RANBP2: variants seen among roughly 807,000 people sequenced by gnomAD.
RANBP2 encodes RAN binding protein 2, also known as E3 SUMO-protein ligase RanBP2.
A neutral mutation model predicts 303.6 loss-of-function variants in RANBP2; 57 were observed. The ratio of observed to expected loss-of-function variants is 0.19; its 90% CI spans 0.15 to 0.23. The LOEUF (loss-of-function observed/expected upper bound fraction) is 0.23. RANBP2 is among the 10% of genes least tolerant of loss of function. The probability of loss-of-function intolerance (pLI) is 1.00; values close to 1 mark genes in which losing one functional copy is unlikely to be tolerated. For missense variants in RANBP2, 3,138 were observed against 3,780.8 expected (o/e 0.83, Z 4.46); for synonymous variants, 1,167 against 1,301.5 (o/e 0.90, Z 2.23).
chr2:109,629,337 ATATATATATATATATATATTTTT>A, the RANBP2 span, among the ~76,000 whole-genome samples: 46 of 10,150 alleles, frequency 4.5e-3, 2 homozygotes, highest in East Asian at 0.024. Context: ...ATATATATAT[ATATATATATATATATATATTTTT>A]TTTTTTTTTT....
At chr2:108,987,726 G>A in the RANBP2 span, among the ~76,000 whole-genome samples, 5 of 152,164 alleles carry the variant, frequency 3.3e-5, no homozygotes, top group Non-Finnish European at 7.3e-5. Flanking sequence ...CCGGCCAATC[G>A]CCACCAGGAT....
the RANBP2 span, among the ~76,000 whole-genome samples, chr2:109,561,473 T>G: frequency 6.6e-6 from 1 of 152,156 alleles, no homozygotes; most frequent in Non-Finnish European, 1.5e-5. Context: ...TGCAAAATAA[T>G]AGTAATCTCT....
chr2:109,021,218 C>G, the RANBP2 span, among the ~76,000 whole-genome samples: 6 of 152,230 alleles, frequency 3.9e-5, no homozygotes, highest in East Asian at 9.7e-4. Flanking sequence ...AGCATGGGGT[C>G]TGTGTGAAAA....
chr2:109,459,080 A>G, the RANBP2 span, among the ~76,000 whole-genome samples: 1 of 152,128 alleles, frequency 6.6e-6, no homozygotes, highest in African/African-American at 2.4e-5. Context: ...CCTTCCCAGA[A>G]GAGGATTCAG....
At chr2:109,272,865 A>G in the RANBP2 span, among the ~76,000 whole-genome samples, 1 of 152,186 alleles carries the variant, frequency 6.6e-6, no homozygotes, top group Non-Finnish European at 1.5e-5. Context: ...CTGTCGGCAA[A>G]CGTTCTCTAA....
At chr2:108,911,038 C>T in the RANBP2 span, 1 of 1,614,048 alleles carries the variant, frequency 6.2e-7, no homozygotes, top group African/African-American at 1.3e-5. Flanking sequence ...TTGCAATGAT[C>T]AGGGCAGTGG....
chr2:109,685,921 C>T, the RANBP2 span, among the ~76,000 whole-genome samples: 2 of 151,882 alleles, frequency 1.3e-5, no homozygotes, highest in African/African-American at 4.8e-5. Flanking sequence ...TGGGTAAAAC[C>T]CCCCCAAAAA....
At chr2:109,507,784 T>C in the RANBP2 span, among the ~76,000 whole-genome samples, 1 of 152,224 alleles carries the variant, frequency 6.6e-6, no homozygotes, top group Admixed American at 6.5e-5. Flanking sequence ...AAAAGAGGAC[T>C]TCTTGACTCA....
chr2:109,418,622 T>C, the RANBP2 span, among the ~76,000 whole-genome samples: 2 of 152,130 alleles, frequency 1.3e-5, no homozygotes, highest in South Asian at 4.1e-4. Flanking sequence ...CCCACTCTAA[T>C]CAAGGATGAT....
chr2:109,421,123 G>A, the RANBP2 span, among the ~76,000 whole-genome samples: 1 of 152,182 alleles, frequency 6.6e-6, no homozygotes, highest in Non-Finnish European at 1.5e-5. Context: ...GAAAAGTGGG[G>A]GGTGATGGGG....
At chr2:108,935,876 G>A in the RANBP2 span, among the ~76,000 whole-genome samples, 169 of 152,264 alleles carry the variant, frequency 1.1e-3, 1 homozygote, top group Non-Finnish European at 2.0e-3. Context: ...TTTCCTAGCC[G>A]TCCTCCCCTA....
At chr2:109,449,353 C>T in the RANBP2 span, 1 of 1,607,854 alleles carries the variant, frequency 6.2e-7, no homozygotes, top group South Asian at 1.1e-5. Flanking sequence ...CTCACATCAG[C>T]AGCATCAGCC....
chr2:109,533,297 A>G, the RANBP2 span, among the ~76,000 whole-genome samples: 1 of 152,242 alleles, frequency 6.6e-6, no homozygotes, highest in Admixed American at 6.5e-5. Context: ...CTCACTGCTG[A>G]CCTGGGGATC....
the RANBP2 span, among the ~76,000 whole-genome samples, chr2:109,283,879 A>G: frequency 6.6e-6 from 1 of 151,908 alleles, no homozygotes; most frequent in East Asian, 1.9e-4. Context: ...AGTATTCTAT[A>G]TGCATCAGCT....
At chr2:109,315,532 G>A in the RANBP2 span, among the ~76,000 whole-genome samples, 7 of 152,232 alleles carry the variant, frequency 4.6e-5, no homozygotes, top group African/African-American at 1.2e-4. Flanking sequence ...ACGACCATCC[G>A]TTTTTGGTGT....
the RANBP2 span, chr2:108,911,055 G>A: frequency 6.2e-7 from 1 of 1,614,184 alleles, no homozygotes; most frequent in African/African-American, 1.3e-5. Context: ...GTGGCCAGGT[G>A]TCCTTGGCCT....
At chr2:109,162,688 C>T in the RANBP2 span, among the ~76,000 whole-genome samples, 48 of 152,288 alleles carry the variant, frequency 3.2e-4, no homozygotes, top group East Asian at 7.3e-3. Flanking sequence ...AATAAACATA[C>T]GTGTGCATGT....
At chr2:109,544,070 T>C in the RANBP2 span, 1 of 1,311,196 alleles carries the variant, frequency 7.6e-7, no homozygotes, top group Non-Finnish European at 1.0e-6. Context: ...GATTCAGATT[T>C]TGAAGCTTCT....
the RANBP2 span, among the ~76,000 whole-genome samples, chr2:109,312,259 G>T: frequency 6.6e-6 from 1 of 152,130 alleles, no homozygotes; most frequent in African/African-American, 2.4e-5. Context: ...TCAGAGCTGG[G>T]GCTCTGAGTC....
Sources: gnomAD v4.1 joint callset for allele counts (sites outside exome capture counted in the v4.1 genomes callset) on GRCh38, gnomAD v4.1.1 for gene constraint, MANE v1.5 for transcripts, NCBI Gene and HGNC (gene_info 2026-07-23, HGNC 2026-07-21) for gene names.